The following PPP1R13B variants were observed in gnomAD, a reference collection of about 807,000 sequenced individuals.
The protein encoded by PPP1R13B is apoptosis-stimulating of p53 protein 1.
A neutral mutation model predicts 119.8 loss-of-function variants in PPP1R13B; 44 were observed. That is an observed-to-expected ratio of 0.37 (90% CI 0.29 to 0.47). The LOEUF is 0.47. PPP1R13B is among the 20% of genes least tolerant of loss of function. PPP1R13B has a pLI of 0.99. For missense variants in PPP1R13B, 1,227 were observed against 1,413.5 expected (o/e 0.87, Z 2.12); for synonymous variants, 542 against 561.5 (o/e 0.97, Z 0.49).
chr14:103,743,625 T>C (rs563878043), intron 9 of PPP1R13B, among the ~76,000 whole-genome samples: 9 of 152,314 alleles, frequency 5.9e-5, no homozygotes, highest in Non-Finnish European at 1.3e-4. Context: ...ATCAGCAATA[T>C]GGGACAGACA....
intron 1 of PPP1R13B, among the ~76,000 whole-genome samples, chr14:103,801,614 A>C (rs927403185): frequency 5.3e-5 from 8 of 152,232 alleles, no homozygotes; most frequent in Non-Finnish European, 8.8e-5. Flanking sequence ...GTGGCTCTTC[A>C]CACAGATCTC....
At chr14:103,780,148 C>CA (rs1170411309) in intron 3 of PPP1R13B, among the ~76,000 whole-genome samples, 6 of 141,724 alleles carry the variant, frequency 4.2e-5, no homozygotes, top group South Asian at 4.5e-4. Context: ...GACTCTGTCT[C>CA]AAAAAAAACC....
chr14:103,793,065 C>T (rs1018171465), intron 2 of PPP1R13B, among the ~76,000 whole-genome samples: 1 of 122,228 alleles, frequency 8.2e-6, no homozygotes, highest in African/African-American at 3.1e-5. Context: ...GGGCGAGACT[C>T]TGTCATAGAA....
At chr14:103,778,907 A>G (rs2085273712) in intron 3 of PPP1R13B, 86 bp from the exon 4 acceptor site, 1 of 1,041,602 alleles carries the variant, frequency 9.6e-7, no homozygotes, top group South Asian at 1.3e-5. Flanking sequence ...TCAAATATTT[A>G]TTGAACACAA....
At chr14:103,793,369 T>A (rs1203135205) in intron 2 of PPP1R13B, among the ~76,000 whole-genome samples, 1 of 152,064 alleles carries the variant, frequency 6.6e-6, no homozygotes, top group African/African-American at 2.4e-5. Flanking sequence ...TGATAGTGAG[T>A]GAGTTCTCAT....
intron 1 of PPP1R13B, among the ~76,000 whole-genome samples, chr14:103,827,649 TATA>T (rs1403999903): frequency 6.7e-6 from 1 of 148,666 alleles, no homozygotes; most frequent in East Asian, 1.9e-4. Flanking sequence ...ATAAAGTATA[TATA>T]ATACTATAGA....
At chr14:103,755,856 A>C (rs1386584592) in intron 5 of PPP1R13B, among the ~76,000 whole-genome samples, 1 of 152,216 alleles carries the variant, frequency 6.6e-6, no homozygotes, top group African/African-American at 2.4e-5. Context: ...CTTAACTTTT[A>C]ATCATTTTCT....
intron 4 of PPP1R13B, among the ~76,000 whole-genome samples, chr14:103,776,247 A>AG (rs1386169791): frequency 6.6e-6 from 1 of 151,508 alleles, no homozygotes; most frequent in Admixed American, 6.6e-5. Flanking sequence ...GAAAGATGGC[A>AG]GGGGCCTAAT....
intron 8 of PPP1R13B, among the ~76,000 whole-genome samples, chr14:103,748,093 ACAC>A (rs2084436852): frequency 6.6e-6 from 1 of 151,586 alleles, no homozygotes; most frequent in Non-Finnish European, 1.5e-5. Context: ...ACACACACAC[ACAC>A]ACACACACAC....
Position 103,746,355 on chromosome 14 carries a change from A to G in PPP1R13B, c.1150+18T>C. The G allele has an allele frequency of 8.1e-7, 1 of 1,233,748 alleles. No homozygotes were observed. The highest frequency in any genetic ancestry group is 1.5e-5 in the South Asian group (1 of 64,554). 76.4% of individuals were successfully genotyped at this position (1,233,748 alleles called of 1,614,324 possible). A position where few individuals can be genotyped will look rare whatever the true frequency, so the allele number is the denominator to read the frequency against. Reference sequence around the variant, plus strand: ...TGCTCACAAACTCTCCCCCAGGAAGAGGGCCAGGACCACTCACCGGATTTG... The same window carrying G: ...TGCTCACAAACTCTCCCCCAGGAAGGGGGCCAGGACCACTCACCGGATTTG... On this transcript the variant is annotated intron_variant, in intron 9 of 16. Transcript: ENST00000202556.
At chr14:103,782,484 A>AAATTCTC (rs1431974954) in intron 3 of PPP1R13B, among the ~76,000 whole-genome samples, 7 of 152,236 alleles carry the variant, frequency 4.6e-5, no homozygotes, top group Non-Finnish European at 8.8e-5. Flanking sequence ...GCTTTAGGAT[A>AAATTCTC]AATTCTCAGA....
intron 4 of PPP1R13B, among the ~76,000 whole-genome samples, chr14:103,767,071 C>T (rs937031916): frequency 2.0e-5 from 3 of 152,078 alleles, no homozygotes; most frequent in African/African-American, 4.8e-5. Context: ...CCCAATGACC[C>T]GAAGGGCTTT....
intron 8 of PPP1R13B, among the ~76,000 whole-genome samples, chr14:103,748,061 T>TCA (rs1488686090): frequency 3.6e-5 from 4 of 111,292 alleles, no homozygotes; most frequent in African/African-American, 1.1e-4. Flanking sequence ...ATTCCTTAAA[T>TCA]CACATACACA....
At chr14:103,760,021 A>G (rs968658009) in intron 4 of PPP1R13B, among the ~76,000 whole-genome samples, 1 of 152,224 alleles carries the variant, frequency 6.6e-6, no homozygotes, top group Non-Finnish European at 1.5e-5. Context: ...AGGTGTAATA[A>G]ATCATTATGT....
intron 15 of PPP1R13B, 38 bp from the exon 16 acceptor site, chr14:103,736,240 G>A (rs1207521659): frequency 6.3e-7 from 1 of 1,596,206 alleles, no homozygotes; most frequent in African/African-American, 1.3e-5. Context: ...TCAGCAGAGG[G>A]TGGCCTGCAG....
intron 2 of PPP1R13B, among the ~76,000 whole-genome samples, chr14:103,786,790 G>GAAAAAAAAAA (rs1249753893): frequency 7.1e-5 from 5 of 70,752 alleles, no homozygotes; most frequent in African/African-American, 3.5e-4. Flanking sequence ...AAAAAAAAAG[G>GAAAAAAAAAA]CTGGTCATGG....
intron 1 of PPP1R13B, among the ~76,000 whole-genome samples, chr14:103,829,412 T>G (rs1199626603): frequency 6.6e-6 from 1 of 152,204 alleles, no homozygotes. Context: ...AATAATTTAA[T>G]GTTTTTAAAA....
chr14:103,775,571 G>A (rs562044282), intron 4 of PPP1R13B, among the ~76,000 whole-genome samples: 7 of 152,244 alleles, frequency 4.6e-5, no homozygotes, highest in African/African-American at 1.2e-4. Context: ...CACCGCGCCC[G>A]TCCCATGGTA....
intron 1 of PPP1R13B, among the ~76,000 whole-genome samples, chr14:103,830,971 T>C (rs1318354829): frequency 6.6e-6 from 1 of 150,572 alleles, no homozygotes; most frequent in Non-Finnish European, 1.5e-5. Flanking sequence ...TGAGACGAAG[T>C]CTCACTCTGT....
Sources: allele counts gnomAD v4.1 joint callset (sites outside exome capture counted in the v4.1 genomes callset), GRCh38; gene constraint gnomAD v4.1.1; transcripts MANE v1.5; gene names NCBI Gene and HGNC (gene_info 2026-07-23, HGNC 2026-07-21).